ANTXR1: variants seen among roughly 807,000 people sequenced by gnomAD.
The protein encoded by ANTXR1 is ANTXR cell adhesion molecule 1, also known as anthrax toxin receptor 1.
In ANTXR1, 19 loss-of-function variants were observed where a neutral mutation model predicts 78.1. That is an observed-to-expected ratio of 0.24 (90% CI 0.17 to 0.36). The LOEUF (loss-of-function observed/expected upper bound fraction) is 0.36. Among genes scored for constraint, ANTXR1 ranks in the 10% least tolerant of loss-of-function variants. The probability of loss-of-function intolerance (pLI) is 1.00; values close to 1 mark genes in which losing one functional copy is unlikely to be tolerated. For synonymous variants in ANTXR1, 273 were observed against 260.5 expected, an observed-to-expected ratio of 1.05 and a Z score of -0.46; for missense variants, 518 against 718.6, an observed-to-expected ratio of 0.72 and a Z score of 3.19.
intron 12 of ANTXR1, among the ~76,000 whole-genome samples, chr2:69,138,779 A>G (rs1672988514): frequency 2.0e-5 from 3 of 152,232 alleles, no homozygotes. Flanking sequence ...GCACTTGAAT[A>G]AGTGACAACT....
chr2:69,181,250 T>A (rs1358149012), intron 14 of ANTXR1, among the ~76,000 whole-genome samples: 1 of 152,018 alleles, frequency 6.6e-6, no homozygotes, highest in Non-Finnish European at 1.5e-5. Flanking sequence ...AGATTTTAGA[T>A]CTTTAAGTAG....
intron 10 of ANTXR1, among the ~76,000 whole-genome samples, chr2:69,118,260 A>AAAAAAAG (rs1672217755): frequency 6.6e-6 from 1 of 151,202 alleles, no homozygotes; most frequent in African/African-American, 2.4e-5. Flanking sequence ...AAAAAAAAAA[A>AAAAAAAG]AATTTAATTA....
chr2:69,182,258 C>T (rs1674294266), intron 15 of ANTXR1, among the ~76,000 whole-genome samples: 1 of 152,122 alleles, frequency 6.6e-6, no homozygotes, highest in African/African-American at 2.4e-5. Flanking sequence ...ATGTGCTGTC[C>T]CCGCTGCCTG....
intron 3 of ANTXR1, among the ~76,000 whole-genome samples, chr2:69,050,103 G>C (rs570324463): frequency 1.3e-5 from 2 of 152,148 alleles, no homozygotes; most frequent in East Asian, 3.9e-4. Flanking sequence ...AGGCCAGCCT[G>C]AGCAACATAG....
chr2:69,203,439 A>G (rs1315095079), intron 17 of ANTXR1, among the ~76,000 whole-genome samples: 1 of 152,112 alleles, frequency 6.6e-6, no homozygotes, highest in Non-Finnish European at 1.5e-5. Flanking sequence ...AGTTCAAAAC[A>G]CTCTCTGTCC....
chr2:69,050,429 C>T (rs980947694), intron 3 of ANTXR1, among the ~76,000 whole-genome samples: 2 of 145,200 alleles, frequency 1.4e-5, no homozygotes, highest in Admixed American at 6.7e-5. Context: ...AAAGATATTA[C>T]TTATCAATAT....
At chr2:69,138,576 T>A (rs1048278527) in intron 12 of ANTXR1, among the ~76,000 whole-genome samples, 1 of 152,206 alleles carries the variant, frequency 6.6e-6, no homozygotes, top group Non-Finnish European at 1.5e-5. Flanking sequence ...TCTTCTCACC[T>A]ATACATTAAG....
chr2:69,124,727 G>T, intron 12 of ANTXR1, 84 bp downstream of exon 12: 2 of 1,506,534 alleles, frequency 1.3e-6, no homozygotes, highest in South Asian at 1.1e-5. Flanking sequence ...TTCTCCAAAG[G>T]TACCCTGGAA....
At position 69,245,227 on chromosome 2, in the gene ANTXR1, G is replaced by C. The variant is rs574270362; in HGVS notation, c.1437G>C (p.Gly479=). 6 of 1,613,912 alleles carry C rather than the reference G, an allele frequency of 3.7e-6. No homozygotes were observed. The African/African-American group carries it at 8.0e-5, about 22-fold the overall frequency. Residue 479 remains glycine, a splice_region_variant and synonymous_variant, in exon 18 of 18, where the codon GGG becomes GGC. Coordinates refer to ENST00000303714, the MANE Select transcript of ANTXR1 (RefSeq NM_032208.3). ...SVMRPQPGDT[G]RCINFTRVKN... ...CCTTCTCTCCAATTCTTTTCTAGGG[G>C]CGCTGCATCAACTTCACCAGGGTCA...
At chr2:69,094,912 G>A (rs1671349671) in intron 9 of ANTXR1, among the ~76,000 whole-genome samples, 1 of 152,196 alleles carries the variant, frequency 6.6e-6, no homozygotes, top group Non-Finnish European at 1.5e-5. Flanking sequence ...TTAACGGTAA[G>A]ATAGCAGAAA....
chr2:69,091,515 T>C (rs79901529), intron 9 of ANTXR1, among the ~76,000 whole-genome samples: 2,680 of 146,014 alleles, frequency 0.018, 43 homozygotes, highest in Non-Finnish European at 0.028. Flanking sequence ...ATTGTAGAAA[T>C]ACTGGATTCT....
intron 9 of ANTXR1, among the ~76,000 whole-genome samples, chr2:69,092,039 G>C (rs1558536645): frequency 6.6e-6 from 1 of 152,198 alleles, no homozygotes; most frequent in East Asian, 1.9e-4. Flanking sequence ...AGGAAAAACT[G>C]TGTGTGTGAG....
At chr2:69,066,352 A>C (rs1233516558) in intron 3 of ANTXR1, among the ~76,000 whole-genome samples, 1 of 151,834 alleles carries the variant, frequency 6.6e-6, no homozygotes. Flanking sequence ...GCTGGAGTGC[A>C]ATGGCATGAT....
intron 12 of ANTXR1, among the ~76,000 whole-genome samples, chr2:69,142,765 A>G (rs1287968453): frequency 6.6e-6 from 1 of 152,182 alleles, no homozygotes; most frequent in Non-Finnish European, 1.5e-5. Context: ...ACCGTGACAG[A>G]AGAGCGAGGT....
At chr2:69,026,772 GATCTGGAGC>G (rs1490428968) in intron 1 of ANTXR1, among the ~76,000 whole-genome samples, 4 of 152,276 alleles carry the variant, frequency 2.6e-5, no homozygotes, top group Non-Finnish European at 2.9e-5. Context: ...TTCAGAAAAA[GATCTGGAGC>G]ATCTGGAGCA....
At chr2:69,223,297 G>A (rs1454607900) in intron 17 of ANTXR1, among the ~76,000 whole-genome samples, 1 of 152,242 alleles carries the variant, frequency 6.6e-6, no homozygotes, top group East Asian at 1.9e-4. Flanking sequence ...TTTCTCTTTA[G>A]AAGAGAATTC....
chr2:69,168,637 C>T (rs1573950150), intron 13 of ANTXR1, among the ~76,000 whole-genome samples: 1 of 152,308 alleles, frequency 6.6e-6, no homozygotes, highest in Middle Eastern at 3.4e-3. Flanking sequence ...AGATCTTGGT[C>T]CCCAGATCCT....
At chr2:69,237,780 T>C (rs1331039181) in intron 17 of ANTXR1, among the ~76,000 whole-genome samples, 4 of 152,222 alleles carry the variant, frequency 2.6e-5, no homozygotes, top group Admixed American at 2.0e-4. Context: ...CAGGTATACA[T>C]ACATTTTATA....
chr2:69,131,408 G>C (rs552345232), intron 12 of ANTXR1, among the ~76,000 whole-genome samples: 1 of 152,158 alleles, frequency 6.6e-6, no homozygotes, highest in South Asian at 2.1e-4. Context: ...CTTAACATCC[G>C]GGTTATTTTC....
Sources: gnomAD v4.1 joint callset for allele counts (sites outside exome capture counted in the v4.1 genomes callset) on GRCh38, gnomAD v4.1.1 for gene constraint, MANE v1.5 for transcripts, NCBI Gene and HGNC (gene_info 2026-07-23, HGNC 2026-07-21) for gene names.